NCAM2: variants seen among roughly 807,000 people sequenced by gnomAD.
NCAM2 encodes the protein N-CAM-2.
In NCAM2, 30 loss-of-function variants were observed where a neutral mutation model predicts 98.1. The ratio of observed to expected loss-of-function variants is 0.31; its 90% CI spans 0.23 to 0.41. The LOEUF (loss-of-function observed/expected upper bound fraction) is 0.41, where lower values mean the gene tolerates loss of function less well. Among genes scored for constraint, NCAM2 ranks in the 10% least tolerant of loss-of-function variants. The pLI, the probability that NCAM2 is intolerant of heterozygous loss-of-function variation, is 1.00. For missense variants in NCAM2, 867 were observed against 1,005.8 expected (o/e 0.86, Z 1.87); for synonymous variants, 368 against 342.4 (o/e 1.07, Z -0.83).
intron 9 of NCAM2, among the ~76,000 whole-genome samples, chr21:21,405,663 A>G (rs765762234): frequency 1.8e-4 from 27 of 151,652 alleles, no homozygotes; most frequent in Non-Finnish European, 2.9e-4. Flanking sequence ...CAAAAGTTCT[A>G]TGAATCAATT....
chr21:21,527,381 A>G (rs1400171999), intron 16 of NCAM2, among the ~76,000 whole-genome samples: 1 of 152,152 alleles, frequency 6.6e-6, no homozygotes, highest in African/African-American at 2.4e-5. Context: ...TTAAAAATTT[A>G]TGCTCTGCAA....
chr21:21,269,123 C>T (rs1463379626), intron 1 of NCAM2, among the ~76,000 whole-genome samples: 1 of 152,160 alleles, frequency 6.6e-6, no homozygotes, highest in Non-Finnish European at 1.5e-5. Flanking sequence ...AAAAATTTAT[C>T]TGTCATCCTT....
intron 17 of NCAM2, 44 bp downstream of exon 17, chr21:21,534,700 C>T: frequency 6.9e-7 from 1 of 1,447,840 alleles, no homozygotes; most frequent in African/African-American, 1.4e-5. Context: ...TGGGTATTGG[C>T]AAAATGATAA....
At chr21:21,217,624 G>A (rs1161082228) in intron 1 of NCAM2, among the ~76,000 whole-genome samples, 1 of 152,084 alleles carries the variant, frequency 6.6e-6, no homozygotes, top group Non-Finnish European at 1.5e-5. Flanking sequence ...GGACTTTGAA[G>A]GTAGAATTAA....
chr21:21,201,353 T>G (rs111417258), intron 1 of NCAM2, among the ~76,000 whole-genome samples: 7 of 152,290 alleles, frequency 4.6e-5, no homozygotes, highest in African/African-American at 1.7e-4. Context: ...TAAGGAATAC[T>G]CCTAATGACA....
chr21:21,208,078 T>C (rs1568769897), intron 1 of NCAM2, among the ~76,000 whole-genome samples: 2 of 152,194 alleles, frequency 1.3e-5, no homozygotes, highest in Non-Finnish European at 1.5e-5. Context: ...TTCTGTGAAC[T>C]TGAGTAACCA....
chr21:21,469,202 A>C (rs973047), intron 14 of NCAM2, among the ~76,000 whole-genome samples: 80,085 of 151,770 alleles, frequency 0.53, 22,053 homozygotes, highest in African/African-American at 0.59. Flanking sequence ...ACTTATCCAT[A>C]ATGTTTAACA....
chr21:21,331,713 C>T (rs1435051132), intron 6 of NCAM2, among the ~76,000 whole-genome samples: 13 of 141,876 alleles, frequency 9.2e-5, no homozygotes, highest in Admixed American at 2.9e-4. Flanking sequence ...CCTCAGCCTT[C>T]GAGTACCTGG....
chr21:21,125,506 AT>A (rs1350977224), intron 1 of NCAM2, among the ~76,000 whole-genome samples: 1 of 112,198 alleles, frequency 8.9e-6, no homozygotes, highest in Non-Finnish European at 1.8e-5. Flanking sequence ...AATATGTAAT[AT>A]TTTACATATA....
chr21:21,315,091 A>G (rs896344356), intron 5 of NCAM2, among the ~76,000 whole-genome samples: 7 of 152,098 alleles, frequency 4.6e-5, no homozygotes, highest in Non-Finnish European at 4.4e-5. Context: ...TTTGTAGGCA[A>G]TCAGTTTGTT....
At chr21:21,385,158 GGC>G (rs2076239705) in intron 9 of NCAM2, among the ~76,000 whole-genome samples, 1 of 151,724 alleles carries the variant, frequency 6.6e-6, no homozygotes, top group South Asian at 2.1e-4. Context: ...TATATTTTTT[GGC>G]AGTTGAAGCC....
chr21:21,025,466 A>T (rs530485358), intron 1 of NCAM2, among the ~76,000 whole-genome samples: 1 of 152,158 alleles, frequency 6.6e-6, no homozygotes, highest in Non-Finnish European at 1.5e-5. Context: ...TGAGTGTCCC[A>T]CTGTTTAATA....
chr21:21,407,079 C>G (rs766747396), intron 9 of NCAM2, among the ~76,000 whole-genome samples: 24 of 152,112 alleles, frequency 1.6e-4, no homozygotes, highest in Non-Finnish European at 2.4e-4. Flanking sequence ...TTGAAAATGA[C>G]TATTTTTGGT....
At chr21:21,219,843 T>C (rs2070066702) in intron 1 of NCAM2, among the ~76,000 whole-genome samples, 1 of 152,132 alleles carries the variant, frequency 6.6e-6, no homozygotes, top group African/African-American at 2.4e-5. Flanking sequence ...GGTGTGGAGG[T>C]AAAAGACAGT....
intron 1 of NCAM2, among the ~76,000 whole-genome samples, chr21:21,143,211 G>GT (rs963393885): frequency 1.3e-5 from 2 of 151,868 alleles, no homozygotes; most frequent in Admixed American, 1.3e-4. Context: ...AGGCTTTTGG[G>GT]TTTTTTTCCA....
At chr21:21,295,552 A>G (rs2073445933) in intron 5 of NCAM2, among the ~76,000 whole-genome samples, 1 of 151,960 alleles carries the variant, frequency 6.6e-6, no homozygotes, top group Non-Finnish European at 1.5e-5. Context: ...AACAAAATAC[A>G]CACCATGACT....
At chr21:21,214,722 CATATAT>C (rs1555829682) in intron 1 of NCAM2, among the ~76,000 whole-genome samples, 63 of 92,608 alleles carry the variant, frequency 6.8e-4, no homozygotes, top group Admixed American at 3.7e-3. Context: ...ATATATATTC[CATATAT>C]ATATATATAT....
chr21:21,130,614 T>A (rs1234999197), intron 1 of NCAM2, among the ~76,000 whole-genome samples: 2 of 152,158 alleles, frequency 1.3e-5, no homozygotes, highest in African/African-American at 4.8e-5. Flanking sequence ...TTACTATGTT[T>A]ATATTAACTT....
intron 1 of NCAM2, among the ~76,000 whole-genome samples, chr21:21,231,610 G>A (rs1601713474): frequency 1.3e-5 from 2 of 151,250 alleles, no homozygotes; most frequent in Admixed American, 1.3e-4. Context: ...AAATATAGGA[G>A]AGTTTATTTA....
Sources: gnomAD v4.1 joint callset for allele counts (sites outside exome capture counted in the v4.1 genomes callset) on GRCh38, gnomAD v4.1.1 for gene constraint, MANE v1.5 for transcripts, NCBI Gene and HGNC (gene_info 2026-07-23, HGNC 2026-07-21) for gene names.